The following MTSS2 variants were observed in gnomAD, a reference collection of about 807,000 sequenced individuals.
MTSS2 encodes MTSS I-BAR domain containing 2.
Under a neutral mutation model 67.1 loss-of-function variants are expected in MTSS2, and 27 were observed. The ratio of observed to expected loss-of-function variants is 0.40; its 90% CI spans 0.30 to 0.55. MTSS2 has a LOEUF of 0.55. Among genes scored for constraint, MTSS2 ranks in the 20% least tolerant of loss-of-function variants. The pLI is 0.43. For synonymous variants in MTSS2, 624 were observed against 468.6 expected (o/e 1.33, Z -4.28); for missense variants, 1,171 against 1,067.8 (o/e 1.10, Z -1.35).
intron 11 of MTSS2, among the ~76,000 whole-genome samples, chr16:70,666,745 T>C (rs2052728590): frequency 1.3e-5 from 2 of 150,886 alleles, no homozygotes; most frequent in African/African-American, 4.8e-5. Flanking sequence ...ATGGAAAAAG[T>C]ATTTGGAAAA....
intron 11 of MTSS2, among the ~76,000 whole-genome samples, chr16:70,671,002 A>C (rs1335255839): frequency 6.6e-6 from 1 of 151,030 alleles, no homozygotes; most frequent in African/African-American, 2.4e-5. Flanking sequence ...AAAAGTCAAA[A>C]GTAGTCAGGA....
In MTSS2 at chr16:70,674,366, G is replaced by A; in HGVS notation, c.993C>T (p.Val331=). The A allele has an allele frequency of 1.2e-6, 2 of 1,614,152 alleles. No individual in the cohort carries two copies. The highest frequency in any genetic ancestry group is 2.2e-5 in the South Asian group (2 of 91,074). ...GCTTGGAGTAGGTGGCGTCCTGGGA[G>A]ACGAAGCCAGAGTCATGGGAGGAAA... ...SSVSSHDSGF[V]SQDATYSKPP... The change falls in exon 11 of 15, where the codon GTC becomes GTT. Residue 331 remains valine, a synonymous_variant. Coordinates refer to ENST00000338779, the MANE Select transcript of MTSS2 (RefSeq NM_138383.3).
chr16:70,664,578 C>T lies in MTSS2; in HGVS notation c.1471+20G>A. The T allele has an allele frequency of 6.2e-7, 1 of 1,608,768 alleles. No homozygotes were observed. On this transcript the variant is annotated intron_variant, in intron 14 of 14. Coordinates refer to ENST00000338779, the MANE Select transcript of MTSS2 (RefSeq NM_138383.3). ...TAAGTCCCAGCTGTCCCTGGTCCCA[C>T]CCCAGCCCCGCGGGCCTGCCTTGGG...
At chr16:70,675,388 A>G (rs1034045113) in intron 10 of MTSS2, among the ~76,000 whole-genome samples, 3 of 152,114 alleles carry the variant, frequency 2.0e-5, no homozygotes, top group Non-Finnish European at 2.9e-5. Context: ...GTGCCACTGC[A>G]CTCCAGCCTG....
intron 11 of MTSS2, among the ~76,000 whole-genome samples, chr16:70,671,333 G>A (rs938216350): frequency 2.0e-5 from 3 of 151,304 alleles, no homozygotes; most frequent in African/African-American, 4.9e-5. Flanking sequence ...AACCTGGGAG[G>A]CAGAGGTTGC....
intron 11 of MTSS2, among the ~76,000 whole-genome samples, chr16:70,668,455 A>G (rs903404582): frequency 6.6e-6 from 1 of 152,134 alleles, no homozygotes; most frequent in Non-Finnish European, 1.5e-5. Flanking sequence ...ACAATAATTA[A>G]GATGGTGTGG....
chr16:70,672,887 G>A (rs975740876), intron 11 of MTSS2, among the ~76,000 whole-genome samples: 2 of 152,102 alleles, frequency 1.3e-5, no homozygotes, highest in South Asian at 2.1e-4. Context: ...CTGGCTGGGC[G>A]CGGTTGCTCA....
At chr16:70,679,206 C>T (rs1436072018) in intron 7 of MTSS2, 109 bp downstream of exon 7, 10 of 1,424,546 alleles carry the variant, frequency 7.0e-6, no homozygotes, top group East Asian at 4.6e-5. Context: ...CCGCCTTCCT[C>T]GCTTCTCCTT....
intron 3 of MTSS2, 92 bp from the exon 4 acceptor site, chr16:70,680,147 G>A (rs896909417): frequency 1.5e-5 from 13 of 872,924 alleles, no homozygotes; most frequent in Non-Finnish European, 1.9e-5. Flanking sequence ...CCGCGCAGGC[G>A]GAGCCCGCAG....
At chr16:70,680,157 G>C (rs2142901789) in intron 3 of MTSS2, 102 bp from the exon 4 acceptor site, 1 of 714,148 alleles carries the variant, frequency 1.4e-6, no homozygotes, top group East Asian at 5.7e-5. Flanking sequence ...GGAGCCCGCA[G>C]CCCGCGCCCT....
chr16:70,671,915 A>T (rs2052950172), intron 11 of MTSS2, among the ~76,000 whole-genome samples: 1 of 152,272 alleles, frequency 6.6e-6, no homozygotes, highest in African/African-American at 2.4e-5. Flanking sequence ...GGCATCAGAC[A>T]AAGCCAGATT....
rs767805328 is a variant in MTSS2, at chr16:70,680,914, G to GGA, written c.132-48_132-47insTC. On this transcript the variant is annotated intron_variant, in intron 2 of 14. Transcript: ENST00000338779. ...TGGATGGTCGGTGGTTGGGCGGGGG[G>GGA]GGGGCCTCTGCCTGCCCCTCCCCTG... is the stretch of plus-strand genomic sequence containing the variant. 2.3e-6 allele frequency: 3 copies of GGA among 1,317,562 alleles called. 1 individual carries two copies. Among genetic ancestry groups the GGA allele is most frequent in the African/African-American group, 2.8e-5 (2 of 70,584 alleles). The allele number at this position is 1,317,562 out of a possible 1,614,324, so 81.6% of individuals were successfully genotyped here.
chr16:70,680,261 C>A (rs1210789772), intron 3 of MTSS2, among the ~76,000 whole-genome samples: 1 of 152,134 alleles, frequency 6.6e-6, no homozygotes, highest in African/African-American at 2.4e-5. Context: ...CCGCGCCAGC[C>A]TCCTGCGGCG....
chr16:70,685,860 GC>G lies in MTSS2; in HGVS notation c.-70del. On this transcript the variant is annotated 5_prime_UTR_variant, in exon 1 of 15. Transcript: ENST00000338779. The stretch of plus-strand genomic sequence containing the variant: ...CGCGGGGAGCAGCGCAAGGGAGGGG[GC>G]CAGGCCGCGCGGGCGCTCGCTCCGA... 2 of 922,512 alleles carry G rather than the reference GC, an allele frequency of 2.2e-6. No individual in the cohort carries two copies. Among genetic ancestry groups the G allele is most frequent in the Non-Finnish European group, 2.6e-6 (2 of 759,750 alleles). The allele number at this position is 922,512 out of a possible 1,614,324, so 57.1% of individuals were successfully genotyped here.
Position 70,663,787 on chromosome 16 carries a change from G to C in MTSS2, c.2134C>G (p.Pro712Ala), listed in dbSNP as rs1233028310. The change falls in exon 15 of 15, where the codon CCA (proline) becomes GCA (alanine). Residue 712 changes from proline (P) to alanine (A), a missense_variant. Pro to Ala is a conservative substitution (Grantham distance 27, BLOSUM62 -1). Around this residue, in one of 2 missense-constraint regions of MTSS2, gnomAD observed 924 missense variants for 756.0 expected, o/e 1.22. Transcript: ENST00000338779. ...TPTEETPTPPPAATSDPPAED... is the reference protein window; with the variant it reads ...TPTEETPTPPAAATSDPPAED... ...GCCGGGGGGTCGCTGGTGGCGGCTG[G>C]GGGTGGGGTGGGCGTCTCCTCCGTG... 1 of 1,520,070 alleles carries C rather than the reference G, an allele frequency of 6.6e-7. No individual in the cohort carries two copies. Among genetic ancestry groups the C allele is most frequent in the African/African-American group, 1.4e-5 (1 of 72,476 alleles). 94.2% of individuals were successfully genotyped at this position (1,520,070 alleles called of 1,614,324 possible).
chr16:70,664,560 C>T (rs762639726), intron 14 of MTSS2, 38 bp downstream of exon 14: 37 of 1,602,086 alleles, frequency 2.3e-5, no homozygotes, highest in Admixed American at 6.7e-5. Context: ...GGCTAAGTCC[C>T]AGCTGTCCCT....
At chr16:70,667,829 C>T (rs541548053) in intron 11 of MTSS2, among the ~76,000 whole-genome samples, 143 of 151,872 alleles carry the variant, frequency 9.4e-4, no homozygotes, top group African/African-American at 8.7e-4. Flanking sequence ...GCTGAGATCG[C>T]GCCACTGCAC....
chr16:70,664,069 A>G lies in MTSS2; in HGVS notation c.1852T>C (p.Tyr618His). The change falls in exon 15 of 15, where the codon TAT (tyrosine) becomes CAT (histidine). Residue 618 changes from tyrosine (Y) to histidine (H), a missense_variant. Around this residue, in one of 2 missense-constraint regions of MTSS2, gnomAD observed 924 missense variants for 756.0 expected, o/e 1.22. Coordinates refer to ENST00000338779, the MANE Select transcript of MTSS2 (RefSeq NM_138383.3). ...TRAGSEECVFYTDETASPLAP... is the reference protein window; with the variant it reads ...TRAGSEECVFHTDETASPLAP... The stretch of plus-strand genomic sequence containing the variant: ...AGGGGTGAGGCGGTCTCGTCGGTAT[A>G]GAAGACGCACTCCTCACTGCCCGCC... The G allele has an allele frequency of 6.2e-7, 1 of 1,611,646 alleles. No individual in the cohort carries two copies. The highest frequency in any genetic ancestry group is 8.5e-7 in the Non-Finnish European group (1 of 1,179,490).
chr16:70,669,254 C>A, intron 11 of MTSS2, among the ~76,000 whole-genome samples: 1 of 152,138 alleles, frequency 6.6e-6, no homozygotes, highest in Non-Finnish European at 1.5e-5. Flanking sequence ...GAGAAGATAT[C>A]CGATGAGGAA....
Sources: allele counts gnomAD v4.1 joint callset (sites outside exome capture counted in the v4.1 genomes callset), GRCh38; gene constraint gnomAD v4.1.1; regional missense constraint gnomAD v4.1.1; transcripts MANE v1.5; gene names NCBI Gene and HGNC (gene_info 2026-07-23, HGNC 2026-07-21).